Variants in DNAH11 observed in about 807,000 individuals in gnomAD.
DNAH11 encodes dynein axonemal heavy chain 11, also known as axonemal beta dynein heavy chain 11.
In DNAH11, 442 loss-of-function variants were observed where a neutral mutation model predicts 526.0. The ratio of observed to expected loss-of-function variants is 0.84; its 90% CI spans 0.78 to 0.91. The LOEUF (loss-of-function observed/expected upper bound fraction) is 0.91, where lower values mean the gene tolerates loss of function less well. Among genes scored for constraint, DNAH11 ranks in the 40% least tolerant of loss-of-function variants. DNAH11 has a pLI of 0.00. For synonymous variants in DNAH11, 2,461 were observed against 1,935.9 expected (o/e 1.27, Z -7.12); for missense variants, 6,989 against 5,448.7 (o/e 1.28, Z -8.90).
At chr7:21,680,150 G>A (rs2965391) in intron 30 of DNAH11, among the ~76,000 whole-genome samples, 62,857 of 152,012 alleles carry the variant, frequency 0.41, 13,337 homozygotes, top group African/African-American at 0.47. Context: ...CCAGCCGCAC[G>A]GCAATCTCAG....
intron 25 of DNAH11, among the ~76,000 whole-genome samples, chr7:21,624,695 A>G (rs1473673726): frequency 6.6e-6 from 1 of 152,142 alleles, no homozygotes; most frequent in Admixed American, 6.5e-5. Flanking sequence ...TTTCATGTTC[A>G]GCCTTTATTG....
chr7:21,892,588 C>T lies in DNAH11; in HGVS notation c.12671C>T (p.Thr4224Ile). The T allele has an allele frequency of 6.2e-7, 1 of 1,614,008 alleles. No homozygotes were observed. The highest frequency in any genetic ancestry group is 8.5e-7 in the Non-Finnish European group (1 of 1,179,886). ...GAATTCCTGACAGTGACATCCAACA[C>T]TCTCTTCAGAACTTTGCTGGAGATG... is the stretch of plus-strand genomic sequence containing the variant. ...EIEFLTVTSN[T>I]LFRTLLEMQP... is the part of the protein sequence containing the mutation. The change falls in exon 77 of 82, where the codon ACT becomes ATT. Residue 4224 changes from threonine (T) to isoleucine (I), a missense_variant. By Grantham distance (89) the Thr-to-Ile change is moderately conservative. Coordinates refer to ENST00000409508, the MANE Select transcript of DNAH11 (RefSeq NM_001277115.2).
At chr7:21,571,094 A>T (rs1783868259) in intron 7 of DNAH11, among the ~76,000 whole-genome samples, 1 of 152,188 alleles carries the variant, frequency 6.6e-6, no homozygotes, top group African/African-American at 2.4e-5. Flanking sequence ...CAGCTTACAT[A>T]TGCCTTCCTT....
intron 68 of DNAH11, among the ~76,000 whole-genome samples, chr7:21,861,456 G>A (rs1783061288): frequency 6.6e-6 from 1 of 152,164 alleles, no homozygotes; most frequent in Non-Finnish European, 1.5e-5. Flanking sequence ...CACATTTCTT[G>A]TGGTTACACA....
chr7:21,764,378 T>G (rs889783779), intron 54 of DNAH11, among the ~76,000 whole-genome samples: 2 of 152,188 alleles, frequency 1.3e-5, no homozygotes, highest in African/African-American at 4.8e-5. Flanking sequence ...AAAAATGATT[T>G]CATCAATTGC....
At position 21,901,435 on chromosome 7, in the gene DNAH11, C is replaced by T. The variant is rs886062191; in HGVS notation, c.*181C>T. On this transcript the variant is annotated 3_prime_UTR_variant, in exon 82 of 82. Coordinates refer to ENST00000409508, the MANE Select transcript of DNAH11 (RefSeq NM_001277115.2). ...TACTAGAAACTAACTCAGGGCTGAG[C>T]GTGGTGGCACACGACTGTAATCCCA... The T allele has an allele frequency of 7.7e-5, 61 of 788,650 alleles. No individual in the cohort carries two copies. Among genetic ancestry groups the T allele is most frequent in the Middle Eastern group, 8.3e-4 (2 of 2,402 alleles). The allele number at this position is 788,650 out of a possible 1,614,324, so 48.9% of individuals were successfully genotyped here.
In DNAH11 at chr7:21,564,406, C is replaced by T; in HGVS notation, c.1194+9C>T. The T allele has an allele frequency of 1.3e-6, 2 of 1,588,912 alleles. No homozygotes were observed. Among genetic ancestry groups the T allele is most frequent in the Non-Finnish European group, 1.7e-6 (2 of 1,163,022 alleles). Reference sequence around the variant, plus strand: ...ATCTCTTCATTAACCAGGTATGAAGCATCAAAAAACAGGAACAATAAGAAT... The same window carrying T: ...ATCTCTTCATTAACCAGGTATGAAGTATCAAAAAACAGGAACAATAAGAAT... On this transcript the variant is annotated intron_variant, in intron 6 of 81. Transcript: ENST00000409508.
intron 68 of DNAH11, among the ~76,000 whole-genome samples, chr7:21,860,294 A>AG (rs1156590480): frequency 6.6e-6 from 1 of 151,938 alleles, no homozygotes; most frequent in East Asian, 1.9e-4. Flanking sequence ...TATCAAAAAA[A>AG]AAAGATAACA....
At chr7:21,689,392 C>G (rs1430658985) in intron 34 of DNAH11, among the ~76,000 whole-genome samples, 1 of 152,184 alleles carries the variant, frequency 6.6e-6, no homozygotes, top group Non-Finnish European at 1.5e-5. Flanking sequence ...TTATTTTAGC[C>G]CATATGCAGA....
intron 6 of DNAH11, among the ~76,000 whole-genome samples, chr7:21,566,092 T>G (rs1783656034): frequency 6.6e-6 from 1 of 152,206 alleles, no homozygotes; most frequent in Non-Finnish European, 1.5e-5. Flanking sequence ...TTTCTCATTT[T>G]GAGAATAATT....
intron 54 of DNAH11, among the ~76,000 whole-genome samples, chr7:21,756,801 C>T (rs181345481): frequency 2.0e-5 from 3 of 152,180 alleles, no homozygotes; most frequent in East Asian, 3.9e-4. Flanking sequence ...TTATTAGAAT[C>T]GCCTAAAATT....
chr7:21,885,169 T>TGTAAAAAAAAAAAAAAAA (rs367811733), intron 76 of DNAH11, among the ~76,000 whole-genome samples: 1 of 89,380 alleles, frequency 1.1e-5, no homozygotes. Flanking sequence ...CCAAATGAAC[T>TGTAAAAAAAAAAAAAAAA]ATAAAAAAAA....
intron 74 of DNAH11, among the ~76,000 whole-genome samples, chr7:21,879,381 C>T (rs534549467): frequency 6.6e-6 from 1 of 152,112 alleles, no homozygotes; most frequent in South Asian, 2.1e-4. Context: ...CGCCTGAACC[C>T]TGGAGGCGGA....
chr7:21,731,863 C>G (rs1785403167), intron 45 of DNAH11, among the ~76,000 whole-genome samples: 1 of 152,108 alleles, frequency 6.6e-6, no homozygotes, highest in African/African-American at 2.4e-5. Context: ...GTTCAAGTAA[C>G]CCTTATTTTA....
In DNAH11 at chr7:21,660,113, T is replaced by C. The variant is rs1488388041; in HGVS notation, c.5328+1082T>C. 3.3e-5 allele frequency among the ~76,000 whole-genome samples: 5 copies of C among 152,120 alleles called. No individual in the cohort carries two copies. The East Asian group carries it at 9.6e-4, about 29-fold the overall frequency. ...TCCTACGGTGCCATCTTTGCAATTC[T>C]AGTAACTACCACTTGGATGCTGAAG... On this transcript the variant is annotated intron_variant, in intron 30 of 81. Coordinates refer to ENST00000409508, the MANE Select transcript of DNAH11 (RefSeq NM_001277115.2).
chr7:21,727,387 T>A (rs1416997493), intron 45 of DNAH11, among the ~76,000 whole-genome samples: 1 of 152,242 alleles, frequency 6.6e-6, no homozygotes, highest in Non-Finnish European at 1.5e-5. Context: ...ACTGTAAACT[T>A]CTTAGTTAGT....
intron 48 of DNAH11, among the ~76,000 whole-genome samples, chr7:21,740,726 T>C (rs2906689): frequency 0.096 from 14,569 of 152,278 alleles, 1,387 homozygotes; most frequent in African/African-American, 0.25. Flanking sequence ...TTTAATTCTT[T>C]GGGGTGTACA....
At chr7:21,656,064 T>A (rs952661492) in intron 29 of DNAH11, 83 bp downstream of exon 29, 1 of 1,431,258 alleles carries the variant, frequency 7.0e-7, no homozygotes, top group Non-Finnish European at 9.2e-7. Flanking sequence ...AAGCAAAAAA[T>A]TCAACCCAGG....
chr7:21,743,704 A>G (rs1367891781), intron 49 of DNAH11, among the ~76,000 whole-genome samples: 2 of 152,200 alleles, frequency 1.3e-5, no homozygotes, highest in Non-Finnish European at 2.9e-5. Context: ...GTGCTGTTTA[A>G]AAGCAGAATT....
Sources: gnomAD v4.1 joint callset for allele counts (sites outside exome capture counted in the v4.1 genomes callset) on GRCh38, gnomAD v4.1.1 for gene constraint, MANE v1.5 for transcripts, NCBI Gene and HGNC (gene_info 2026-07-23, HGNC 2026-07-21) for gene names.